RAB1A: variants seen among roughly 807,000 people sequenced by gnomAD.
RAB1A encodes ras-related protein Rab-1A.
Under a neutral mutation model 26.0 loss-of-function variants are expected in RAB1A, and 2 were observed. The observed-to-expected ratio is 0.08, with a 90% CI of 0.03 to 0.24. The LOEUF is 0.24. Among genes scored for constraint, RAB1A ranks in the 10% least tolerant of loss-of-function variants. The pLI is 1.00. For missense variants in RAB1A, 100 were observed against 247.0 expected (o/e 0.40, Z 3.99); for synonymous variants, 84 against 84.9 (o/e 0.99, Z 0.06).
At chr2:65,120,341 A>T (rs1669932322) in intron 1 of RAB1A, among the ~76,000 whole-genome samples, 1 of 151,618 alleles carries the variant, frequency 6.6e-6, no homozygotes, top group Non-Finnish European at 1.5e-5. Context: ...CTGTAATCCC[A>T]GCAACTTCAG....
At chr2:65,110,651 T>C (rs772127837) in intron 1 of RAB1A, among the ~76,000 whole-genome samples, 2 of 151,936 alleles carry the variant, frequency 1.3e-5, no homozygotes, top group East Asian at 1.9e-4. Flanking sequence ...ATTGCTGCAA[T>C]GCTGGGTGTG....
rs1427968679 is a variant in RAB1A at position 65,130,055 on chromosome 2, C to G, written c.-140G>C. 1.0e-5 allele frequency: 10 copies of G among 956,726 alleles called. No individual in the cohort carries two copies. The highest frequency in any genetic ancestry group is 6.5e-6 in the Non-Finnish European group (4 of 618,656). The allele number at this position is 956,726 out of a possible 1,614,324, so 59.3% of individuals were successfully genotyped here. On this transcript the variant is annotated 5_prime_UTR_variant, in exon 1 of 6. Coordinates refer to ENST00000409784, the MANE Select transcript of RAB1A (RefSeq NM_004161.5). ...CAAACGTCTTCCCCTACTCCGTCCCCTAGAACACAATCAGCAGCCGCCGCC... is the reference window on the plus strand; with the variant it reads ...CAAACGTCTTCCCCTACTCCGTCCCGTAGAACACAATCAGCAGCCGCCGCC...
intron 1 of RAB1A, among the ~76,000 whole-genome samples, chr2:65,115,538 C>T (rs956557782): frequency 6.6e-6 from 1 of 152,120 alleles, no homozygotes; most frequent in Non-Finnish European, 1.5e-5. Flanking sequence ...TGCTTCTGTA[C>T]TGTGAATTTT....
rs988287624 is a variant in RAB1A, at chr2:65,130,008, G to A, written c.-93C>T. On this transcript the variant is annotated 5_prime_UTR_variant, in exon 1 of 6. Coordinates refer to ENST00000409784, the MANE Select transcript of RAB1A (RefSeq NM_004161.5). ...CCACGGGTAATCGAAAGAAAGGAAT[G>A]AGATAGGCTGTTCCGGGAGAGCAAA... 5.3e-5 allele frequency: 73 copies of A among 1,381,520 alleles called. No homozygotes were observed. The African/African-American group carries it at 1.0e-3, about 19-fold the overall frequency. 85.6% of individuals were successfully genotyped at this position (1,381,520 alleles called of 1,614,324 possible).
chr2:65,106,709 C>A, intron 1 of RAB1A, among the ~76,000 whole-genome samples: 1 of 58,856 alleles, frequency 1.7e-5, no homozygotes, highest in African/African-American at 5.5e-5. Context: ...ATGAACTAGA[C>A]ATCCTTTCCA....
intron 1 of RAB1A, among the ~76,000 whole-genome samples, chr2:65,116,115 C>G (rs920605883): frequency 1.1e-4 from 17 of 151,970 alleles, no homozygotes; most frequent in Non-Finnish European, 2.1e-4. Context: ...TGATATCACG[C>G]CACTGCACTC....
At chr2:65,101,815 T>C (rs1392346602) in intron 2 of RAB1A, among the ~76,000 whole-genome samples, 2 of 143,420 alleles carry the variant, frequency 1.4e-5, no homozygotes, top group Non-Finnish European at 3.0e-5. Flanking sequence ...AATGGTGCGA[T>C]CTCGACTCAC....
chr2:65,104,836 T>TA lies in RAB1A; in HGVS notation c.24-31dup, dbSNP rs562287931. 13 of 1,529,166 alleles carry TA rather than the reference T, an allele frequency of 8.5e-6. No individual in the cohort carries two copies. The East Asian group carries it at 2.9e-4, about 34-fold the overall frequency. 94.7% of individuals were successfully genotyped at this position (1,529,166 alleles called of 1,614,324 possible). Reference sequence around the variant, plus strand: ...AAAAAGAAAAAGAAAATGATGTTAATAAAAAGCACACTGCATTGCTATAAG... The same window carrying TA: ...AAAAAGAAAAAGAAAATGATGTTAATAAAAAAGCACACTGCATTGCTATAAG... On this transcript the variant is annotated intron_variant, in intron 1 of 5. Transcript: ENST00000409784.
intron 1 of RAB1A, among the ~76,000 whole-genome samples, chr2:65,128,750 C>A (rs556247954): frequency 4.6e-5 from 7 of 152,252 alleles, no homozygotes; most frequent in African/African-American, 1.7e-4. Flanking sequence ...CTGATGTTCC[C>A]CCATCCCTCA....
chr2:65,108,367 A>AG (rs1371202352), intron 1 of RAB1A, among the ~76,000 whole-genome samples: 48 of 124,272 alleles, frequency 3.9e-4, no homozygotes, highest in Middle Eastern at 3.8e-3. Flanking sequence ...AAAAAAAAAA[A>AG]AAAAGAAAGA....
intron 1 of RAB1A, among the ~76,000 whole-genome samples, chr2:65,110,156 A>C (rs1052514984): frequency 4.6e-5 from 7 of 152,176 alleles, no homozygotes; most frequent in Admixed American, 4.6e-4. Flanking sequence ...AGGATACAGG[A>C]GCCGGTCGGG....
chr2:65,086,916 C>T lies in RAB1A; in HGVS notation c.*1577G>A, dbSNP rs557598369. The T allele has an allele frequency of 8.5e-5, 13 of 152,592 alleles. No individual in the cohort carries two copies. The highest frequency in any genetic ancestry group is 5.9e-5 in the Non-Finnish European group (4 of 67,996). The allele number at this position is 152,592 out of a possible 1,614,324, so 9.5% of individuals were successfully genotyped here. A position where few individuals can be genotyped will look rare whatever the true frequency, so the allele number is the denominator to read the frequency against. On this transcript the variant is annotated 3_prime_UTR_variant, in exon 6 of 6. Transcript: ENST00000409784. ...TAGATGGAAAATTGAATATTCTGTC[C>T]ATTTCATTTTACAATTATCTTACCA...
At chr2:65,100,217 T>C (rs890774420) in intron 2 of RAB1A, among the ~76,000 whole-genome samples, 5 of 150,730 alleles carry the variant, frequency 3.3e-5, no homozygotes, top group African/African-American at 9.8e-5. Flanking sequence ...CTGGCCAAGA[T>C]GGTGAAACCT....
At chr2:65,129,390 C>T (rs1670183907) in intron 1 of RAB1A, among the ~76,000 whole-genome samples, 1 of 152,044 alleles carries the variant, frequency 6.6e-6, no homozygotes, top group South Asian at 2.1e-4. Flanking sequence ...TTACCTGAAA[C>T]CTGGCGGGGA....
intron 1 of RAB1A, among the ~76,000 whole-genome samples, chr2:65,106,646 G>A (rs1669567911): frequency 7.4e-5 from 2 of 26,948 alleles, no homozygotes; most frequent in South Asian, 1.0e-3. Flanking sequence ...AGTCAGAGAA[G>A]GAAACAAAAA....
chr2:65,130,024 G>T lies in RAB1A; in HGVS notation c.-109C>A. The T allele has an allele frequency of 7.9e-7, 1 of 1,264,908 alleles. No homozygotes were observed. The highest frequency in any genetic ancestry group is 1.1e-6 in the Non-Finnish European group (1 of 890,004). The allele number at this position is 1,264,908 out of a possible 1,614,324, so 78.4% of individuals were successfully genotyped here. A position where few individuals can be genotyped will look rare whatever the true frequency, so the allele number is the denominator to read the frequency against. On this transcript the variant is annotated 5_prime_UTR_variant, in exon 1 of 6. Transcript: ENST00000409784. ...GAAAGGAATGAGATAGGCTGTTCCG[G>T]GAGAGCAAACGTCTTCCCCTACTCC...
At chr2:65,114,491 C>A (rs1212605663) in intron 1 of RAB1A, among the ~76,000 whole-genome samples, 1 of 152,150 alleles carries the variant, frequency 6.6e-6, no homozygotes, top group Non-Finnish European at 1.5e-5. Flanking sequence ...GACAGGAATT[C>A]TTATGGTTTA....
At chr2:65,093,093 G>C (rs1669208692) in intron 3 of RAB1A, among the ~76,000 whole-genome samples, 1 of 152,138 alleles carries the variant, frequency 6.6e-6, no homozygotes, top group African/African-American at 2.4e-5. Flanking sequence ...CCTTGTGGCA[G>C]TGTGAGAACA....
chr2:65,098,643 G>C lies in RAB1A; in HGVS notation c.97-577C>G, dbSNP rs1394186158. 2.0e-5 allele frequency among the ~76,000 whole-genome samples: 3 copies of C among 151,968 alleles called. No individual in the cohort carries two copies. The South Asian group carries it at 6.2e-4, about 31-fold the overall frequency. Reference sequence around the variant, plus strand: ...TGCAAACTACAACCACGAATTCCAGGACATTTTCTTCACTCCAGAAAGAAC... The same window carrying C: ...TGCAAACTACAACCACGAATTCCAGCACATTTTCTTCACTCCAGAAAGAAC... On this transcript the variant is annotated intron_variant, in intron 2 of 5. Transcript: ENST00000409784.
Sources: allele counts gnomAD v4.1 joint callset (sites outside exome capture counted in the v4.1 genomes callset), GRCh38; gene constraint gnomAD v4.1.1; transcripts MANE v1.5; gene names NCBI Gene and HGNC (gene_info 2026-07-23, HGNC 2026-07-21).